The following KPNA6 variants were observed in gnomAD, a reference collection of about 807,000 sequenced individuals.
KPNA6 encodes importin subunit alpha-7.
In KPNA6, 9 loss-of-function variants were observed where a neutral mutation model predicts 72.0. That is an observed-to-expected ratio of 0.13 (90% CI 0.08 to 0.22). KPNA6 has a LOEUF of 0.22. Among genes scored for constraint, KPNA6 ranks in the 10% least tolerant of loss-of-function variants. The pLI, the probability that KPNA6 is intolerant of heterozygous loss-of-function variation, is 1.00. For synonymous variants in KPNA6, 219 were observed against 242.1 expected, an observed-to-expected ratio of 0.90 and a Z score of 0.89; for missense variants, 374 against 655.7, an observed-to-expected ratio of 0.57 and a Z score of 4.69.
intron 1 of KPNA6, among the ~76,000 whole-genome samples, chr1:32,130,219 AAT>A (rs1491149049): frequency 3.3e-4 from 47 of 141,102 alleles, no homozygotes; most frequent in Admixed American, 4.7e-4. Context: ...TTAGTAGATA[AAT>A]ATTTTTTTTT....
chr1:32,160,025 G>C (rs1032681270), intron 6 of KPNA6, among the ~76,000 whole-genome samples: 1 of 152,162 alleles, frequency 6.6e-6, no homozygotes, highest in Non-Finnish European at 1.5e-5. Flanking sequence ...TTCGCCAGGC[G>C]CGGTGGCTCA....
intron 1 of KPNA6, among the ~76,000 whole-genome samples, chr1:32,109,471 CTGTTTTTTTGTTT>C (rs1641205583): frequency 6.6e-6 from 1 of 151,722 alleles, no homozygotes; most frequent in African/African-American, 2.4e-5. Context: ...TGCGTCCAGC[CTGTTTTTTTGTTT>C]TGTTTTTTTT....
At chr1:32,115,541 G>A (rs146838371) in intron 1 of KPNA6, among the ~76,000 whole-genome samples, 2 of 150,892 alleles carry the variant, frequency 1.3e-5, no homozygotes, top group South Asian at 2.1e-4. Flanking sequence ...ATCCCCCCAC[G>A]TCAGCCTTCT....
At position 32,174,669 on chromosome 1, in the gene KPNA6, G is replaced by C. The variant is rs1238531114; in HGVS notation, c.*3775G>C. Reference sequence around the variant, plus strand: ...TTCAGATTCCAGACTCTCAGCTGAAGACAGGGAGCCAATTTCCCCCAGGTC... The same window carrying C: ...TTCAGATTCCAGACTCTCAGCTGAACACAGGGAGCCAATTTCCCCCAGGTC... On this transcript the variant is annotated 3_prime_UTR_variant, in exon 14 of 14. Transcript: ENST00000373625. The C allele has an allele frequency of 6.6e-6, 1 of 152,150 alleles. No individual in the cohort carries two copies. Among genetic ancestry groups the C allele is most frequent in the Non-Finnish European group, 1.5e-5 (1 of 68,026 alleles). 9.4% of individuals were successfully genotyped at this position (152,150 alleles called of 1,614,324 possible).
At chr1:32,146,672 A>G (rs1295513576) in intron 1 of KPNA6, among the ~76,000 whole-genome samples, 1 of 152,182 alleles carries the variant, frequency 6.6e-6, no homozygotes, top group South Asian at 2.1e-4. Context: ...AATAATGTAG[A>G]TTTATAATTA....
At chr1:32,146,885 A>G (rs551873855) in intron 1 of KPNA6, among the ~76,000 whole-genome samples, 8 of 151,740 alleles carry the variant, frequency 5.3e-5, no homozygotes, top group African/African-American at 1.9e-4. Context: ...TTTTTGACAG[A>G]GTCTTGCTTT....
At chr1:32,136,707 A>G (rs1294261464) in intron 1 of KPNA6, among the ~76,000 whole-genome samples, 1 of 152,226 alleles carries the variant, frequency 6.6e-6, no homozygotes, top group East Asian at 1.9e-4. Context: ...ATCTAAATCT[A>G]TTCTGATTCA....
Position 32,162,039 on chromosome 1 carries a change from T to A in KPNA6, c.740T>A (p.Phe247Tyr). Residue 247 changes from phenylalanine to tyrosine, a missense_variant, in exon 8 of 14, where the codon TTT becomes TAT. Physicochemically the swap from Phe to Tyr is conservative, Grantham distance 22. Around this residue, in one of 3 missense-constraint regions of KPNA6, gnomAD observed 298 missense variants for 495.4 expected, o/e 0.60. Coordinates refer to ENST00000373625, the MANE Select transcript of KPNA6 (RefSeq NM_012316.5). ...CGAGGGAAAAACCCACCCCCAGAGT[T>A]TGCAAAGGTGAGAGAGCTACTTACT... Reference protein sequence around the residue: ...LCRGKNPPPEFAKVSPCLPVL... With the variant: ...LCRGKNPPPEYAKVSPCLPVL... 6.2e-7 allele frequency: 1 copy of A among 1,613,550 alleles called. No homozygotes were observed. The highest frequency in any genetic ancestry group is 8.5e-7 in the Non-Finnish European group (1 of 1,179,646).
At chr1:32,159,294 G>A (rs1642196695) in intron 5 of KPNA6, 106 bp from the exon 6 acceptor site, 1 of 1,204,038 alleles carries the variant, frequency 8.3e-7, no homozygotes, top group Admixed American at 2.3e-5. Flanking sequence ...GTTTTGTTTT[G>A]GTTTTTTAAA....
In KPNA6 at chr1:32,172,010, C is replaced by T. The variant is rs922178336; in HGVS notation, c.*1116C>T. ...TCTTCTTCCTCTTCCATAGTTGGAT[C>T]ATGTATATTTTACTTCTAAAGGAGA... On this transcript the variant is annotated 3_prime_UTR_variant, in exon 14 of 14. Transcript: ENST00000373625. 3 of 152,068 alleles carry T rather than the reference C, an allele frequency of 2.0e-5. No homozygotes were observed. The highest frequency in any genetic ancestry group is 4.8e-5 in the African/African-American group (2 of 41,374). 9.4% of individuals were successfully genotyped at this position (152,068 alleles called of 1,614,324 possible).
Position 32,154,582 on chromosome 1 carries a change from T to C in KPNA6, c.5-6T>C, listed in dbSNP as rs1234614326. 1.9e-6 allele frequency: 3 copies of C among 1,612,790 alleles called. No homozygotes were observed. In the South Asian group the frequency reaches 3.3e-5, roughly 18 times the overall value. On this transcript the variant is annotated splice_polypyrimidine_tract_variant and splice_region_variant and intron_variant, in intron 1 of 13. Coordinates refer to ENST00000373625, the MANE Select transcript of KPNA6 (RefSeq NM_012316.5). ...AGTTTTTGGCAGTGTGTATCTTTTC[T>C]TCTAGAGACCATGGCGAGCCCAGGG...
intron 12 of KPNA6, among the ~76,000 whole-genome samples, chr1:32,169,341 G>T (rs1469342817): frequency 1.3e-5 from 2 of 151,564 alleles, no homozygotes; most frequent in African/African-American, 4.9e-5. Flanking sequence ...CCCCAGCCTG[G>T]GTGACAGAGC....
intron 4 of KPNA6, 27 bp from the exon 5 acceptor site, chr1:32,158,240 T>C (rs1162800790): frequency 1.3e-6 from 2 of 1,515,484 alleles, no homozygotes; most frequent in Admixed American, 1.7e-5. Context: ...TCTCCTGTGT[T>C]TTTATTTTCC....
At chr1:32,118,843 T>A (rs1277115251) in intron 1 of KPNA6, among the ~76,000 whole-genome samples, 3 of 151,160 alleles carry the variant, frequency 2.0e-5, no homozygotes, top group Non-Finnish European at 4.4e-5. Flanking sequence ...GTTACAGGAA[T>A]TAAATGAGGT....
chr1:32,157,213 CCCCTTCT>C, intron 3 of KPNA6, 126 bp from the exon 4 acceptor site: 1 of 662,022 alleles, frequency 1.5e-6, no homozygotes, highest in Non-Finnish European at 2.6e-6. Context: ...ATTAAACAGA[CCCCTTCT>C]CCTGAGCCTA....
intron 1 of KPNA6, among the ~76,000 whole-genome samples, chr1:32,141,415 T>TTTTTTTTGG: frequency 8.9e-6 from 1 of 111,808 alleles, no homozygotes; most frequent in African/African-American, 3.5e-5. Context: ...TTTTTTTTTT[T>TTTTTTTTGG]GAGACGGAGT....
chr1:32,144,757 TCTC>T (rs1411770747), intron 1 of KPNA6, among the ~76,000 whole-genome samples: 1 of 151,962 alleles, frequency 6.6e-6, no homozygotes, highest in East Asian at 1.9e-4. Flanking sequence ...TACAAGCAGT[TCTC>T]CTGCGTCAGC....
At chr1:32,113,397 A>C (rs193133841) in intron 1 of KPNA6, among the ~76,000 whole-genome samples, 290 of 151,912 alleles carry the variant, frequency 1.9e-3, no homozygotes, top group African/African-American at 6.8e-3. Flanking sequence ...TCTCAAAAAA[A>C]CCCCAAAAAT....
At chr1:32,131,187 G>A (rs1259848387) in intron 1 of KPNA6, among the ~76,000 whole-genome samples, 1 of 152,150 alleles carries the variant, frequency 6.6e-6, no homozygotes, top group African/African-American at 2.4e-5. Context: ...CCAGCTACTC[G>A]GGAGGCCGAG....
Sources: gnomAD v4.1 joint callset for allele counts (sites outside exome capture counted in the v4.1 genomes callset) on GRCh38, gnomAD v4.1.1 for gene constraint, gnomAD v4.1.1 regional missense constraint, MANE v1.5 for transcripts, NCBI Gene and HGNC (gene_info 2026-07-23, HGNC 2026-07-21) for gene names.